The following TBC1D15 variants were observed in gnomAD, a reference collection of about 807,000 sequenced individuals.
TBC1D15 encodes the protein GAP for RAB7.
TBC1D15 carries 39 observed loss-of-function variants against 95.4 expected under a neutral mutation model. The observed-to-expected ratio is 0.41, with a 90% CI of 0.32 to 0.53. TBC1D15 has a LOEUF of 0.53. Among genes scored for constraint, TBC1D15 ranks in the 20% least tolerant of loss-of-function variants. The pLI is 0.29. For synonymous variants in TBC1D15, 258 were observed against 261.3 expected (o/e 0.99, Z 0.12); for missense variants, 733 against 794.3 (o/e 0.92, Z 0.93).
chr12:71,892,342 CTG>C (rs1356036124), intron 5 of TBC1D15, among the ~76,000 whole-genome samples: 3 of 151,932 alleles, frequency 2.0e-5, no homozygotes, highest in African/African-American at 7.2e-5. Context: ...GAAGGGATAA[CTG>C]TTATTAAAGA....
At chr12:71,877,343 A>T (rs1209644065) in intron 3 of TBC1D15, among the ~76,000 whole-genome samples, 2 of 148,324 alleles carry the variant, frequency 1.3e-5, no homozygotes, top group Non-Finnish European at 1.5e-5. Context: ...GAGCTCTTTT[A>T]ATATGGAAAC....
At chr12:71,845,899 T>A (rs1489149089) in intron 1 of TBC1D15, among the ~76,000 whole-genome samples, 1 of 152,156 alleles carries the variant, frequency 6.6e-6, no homozygotes, top group African/African-American at 2.4e-5. Flanking sequence ...ATAAAAATTA[T>A]AATAATCATA....
intron 1 of TBC1D15, among the ~76,000 whole-genome samples, chr12:71,869,713 G>A (rs185329978): frequency 6.6e-6 from 1 of 152,214 alleles, no homozygotes; most frequent in East Asian, 1.9e-4. Context: ...ATTGCAGAAG[G>A]TGGAGATTTT....
intron 5 of TBC1D15, among the ~76,000 whole-genome samples, chr12:71,885,501 C>A (rs1480534832): frequency 6.6e-6 from 1 of 152,204 alleles, no homozygotes. Context: ...TGTACACACA[C>A]ATGCTTCCTC....
At chr12:71,895,245 T>C (rs989561995) in intron 7 of TBC1D15, among the ~76,000 whole-genome samples, 2 of 152,088 alleles carry the variant, frequency 1.3e-5, no homozygotes, top group African/African-American at 4.8e-5. Flanking sequence ...GATACTACTT[T>C]TAGGGCTTTT....
At chr12:71,909,073 A>T (rs1437627936) in intron 11 of TBC1D15, among the ~76,000 whole-genome samples, 1 of 152,194 alleles carries the variant, frequency 6.6e-6, no homozygotes, top group East Asian at 1.9e-4. Flanking sequence ...GGAGTTCCTG[A>T]ATGCTTAATT....
intron 3 of TBC1D15, among the ~76,000 whole-genome samples, chr12:71,879,192 G>A (rs557885719): frequency 1.1e-4 from 16 of 151,380 alleles, no homozygotes; most frequent in Non-Finnish European, 1.0e-4. Flanking sequence ...GAGTGCAATG[G>A]CTCAATCTTG....
chr12:71,861,617 T>G, intron 1 of TBC1D15: 1 of 839,578 alleles, frequency 1.2e-6, no homozygotes. Flanking sequence ...AGTAATGGTT[T>G]GTCAATTTTG....
Position 71,920,839 on chromosome 12 carries a change from A to G in TBC1D15, c.1708A>G (p.Ile570Val). The change falls in exon 15 of 17, where the codon ATA becomes GTA. Residue 570 changes from isoleucine (I) to valine (V), a missense_variant. Ile to Val is a conservative substitution (Grantham distance 29). Coordinates refer to ENST00000485960, the MANE Select transcript of TBC1D15 (RefSeq NM_001146213.3). ...IMEKHYGFNE[I>V]LKHINELSMK... ...GGAAAAGCATTATGGCTTCAATGAAATACTTAAGGTAGTTATTCCTTTAAT... is the reference window on the plus strand; with the variant it reads ...GGAAAAGCATTATGGCTTCAATGAAGTACTTAAGGTAGTTATTCCTTTAAT... 2 of 1,606,820 alleles carry G rather than the reference A, an allele frequency of 1.2e-6. No individual in the cohort carries two copies. The highest frequency in any genetic ancestry group is 1.3e-5 in the African/African-American group (1 of 74,824).
intron 2 of TBC1D15, 33 bp from the exon 3 acceptor site, chr12:71,872,896 A>G: frequency 6.8e-7 from 1 of 1,463,472 alleles, no homozygotes; most frequent in Non-Finnish European, 9.4e-7. Flanking sequence ...ATATTGCTGA[A>G]TATTAAATAT....
At position 71,913,903 on chromosome 12, in the gene TBC1D15, T is replaced by G; in HGVS notation, c.1378T>G (p.Phe460Val). The change falls in exon 12 of 17, where the codon TTT (phenylalanine) becomes GTT (valine). Residue 460 changes from phenylalanine (F) to valine (V), a missense_variant. Coordinates refer to ENST00000485960, the MANE Select transcript of TBC1D15 (RefSeq NM_001146213.3). Reference protein sequence around the residue: ...MENEVDAFWCFASYMDQMHQN... With the variant: ...MENEVDAFWCVASYMDQMHQN... ...AAATGAAGTGGATGCCTTTTGGTGCTTTGCCTCTTACATGGACCAAATGGT... is the reference window on the plus strand; with the variant it reads ...AAATGAAGTGGATGCCTTTTGGTGCGTTGCCTCTTACATGGACCAAATGGT... 6.3e-7 allele frequency: 1 copy of G among 1,595,120 alleles called. No individual in the cohort carries two copies. The highest frequency in any genetic ancestry group is 8.5e-7 in the Non-Finnish European group (1 of 1,173,614).
intron 4 of TBC1D15, 83 bp from the exon 5 acceptor site, chr12:71,884,726 TTA>T (rs1895889746): frequency 3.1e-6 from 4 of 1,290,958 alleles, no homozygotes; most frequent in Non-Finnish European, 4.4e-6. Flanking sequence ...TTCAACTAAT[TTA>T]TGTTAGGCAG....
At chr12:71,854,602 G>GGTAT (rs1888597352) in intron 1 of TBC1D15, 1 of 456,538 alleles carries the variant, frequency 2.2e-6, no homozygotes, top group Admixed American at 2.4e-5. Flanking sequence ...TTTAACAGAT[G>GGTAT]GTATGTATTT....
Position 71,874,937 on chromosome 12 carries a change from A to G in TBC1D15, c.204+1934A>G, listed in dbSNP as rs559502547. Among the ~76,000 whole-genome samples the G allele has an allele frequency of 2.7e-5, 4 of 146,478 alleles. No homozygotes were observed. In the East Asian group the frequency reaches 6.2e-4, roughly 23 times the overall value. Reference sequence around the variant, plus strand: ...CGTGCCTGTCCTTGCCCATGTAGTTATATGTCTTTTCTTTTATTTTTGAGA... The same window carrying G: ...CGTGCCTGTCCTTGCCCATGTAGTTGTATGTCTTTTCTTTTATTTTTGAGA... On this transcript the variant is annotated intron_variant, in intron 3 of 16. Transcript: ENST00000485960.
Position 71,923,178 on chromosome 12 carries a change from G to A in TBC1D15, c.1999G>A (p.Asp667Asn), listed in dbSNP as rs1870106836. 1 of 1,614,060 alleles carries A rather than the reference G, an allele frequency of 6.2e-7. No individual in the cohort carries two copies. Among genetic ancestry groups the A allele is most frequent in the African/African-American group, 1.3e-5 (1 of 74,940 alleles). ...DSPTQIPVSS[D>N]VCRLTPA ...CCCAACACAGATACCAGTGTCCTCA[G>A]ATGTCTGCAGATTAACACCTGCATG... is the stretch of plus-strand genomic sequence containing the variant. The change falls in exon 17 of 17, where the codon GAT (aspartate) becomes AAT (asparagine). Residue 667 changes from aspartate to asparagine, a missense_variant. Coordinates refer to ENST00000485960, the MANE Select transcript of TBC1D15 (RefSeq NM_001146213.3).
At chr12:71,866,296 T>C (rs12310865) in intron 1 of TBC1D15, among the ~76,000 whole-genome samples, 26,642 of 152,098 alleles carry the variant, frequency 0.18, 3,605 homozygotes, top group African/African-American at 0.38. Context: ...CAAGGACAGA[T>C]GCGGTATCTT....
intron 1 of TBC1D15, among the ~76,000 whole-genome samples, chr12:71,855,470 A>C (rs112363776): frequency 1.3e-5 from 2 of 152,032 alleles, no homozygotes; most frequent in African/African-American, 4.8e-5. Context: ...GATTGAGACC[A>C]TCCTGGCTAA....
At chr12:71,886,720 T>C (rs145604615) in intron 5 of TBC1D15, among the ~76,000 whole-genome samples, 151 of 152,238 alleles carry the variant, frequency 9.9e-4, no homozygotes, top group African/African-American at 3.5e-3. Flanking sequence ...GGTATGTGGA[T>C]TGTGGATCTT....
At chr12:71,915,670 A>T (rs73336875) in intron 12 of TBC1D15, among the ~76,000 whole-genome samples, 4,084 of 152,092 alleles carry the variant, frequency 0.027, 187 homozygotes, top group African/African-American at 0.092. Context: ...TTTGTGTATG[A>T]AGGTTCAGTT....
Sources: allele counts gnomAD v4.1 joint callset (sites outside exome capture counted in the v4.1 genomes callset), GRCh38; gene constraint gnomAD v4.1.1; transcripts MANE v1.5; gene names NCBI Gene and HGNC (gene_info 2026-07-23, HGNC 2026-07-21).